The following SHANK2 variants were observed in gnomAD, a reference collection of about 807,000 sequenced individuals.
The protein encoded by SHANK2 is SH3 and multiple ankyrin repeat domains protein 2.
Under a neutral mutation model 133.7 loss-of-function variants are expected in SHANK2, and 43 were observed. The ratio of observed to expected loss-of-function variants is 0.32; its 90% CI spans 0.25 to 0.41. The LOEUF (loss-of-function observed/expected upper bound fraction) is 0.41. SHANK2 is among the 10% of genes least tolerant of loss of function. The probability of loss-of-function intolerance (pLI) is 1.00; values close to 1 mark genes in which losing one functional copy is unlikely to be tolerated. For missense variants in SHANK2, 1,994 were observed against 2,235.8 expected, an observed-to-expected ratio of 0.89 and a Z score of 2.18; for synonymous variants, 1,017 against 952.8, an observed-to-expected ratio of 1.07 and a Z score of -1.24.
chr11:71,150,857 C>T (rs1555107930), intron 2 of SHANK2, among the ~76,000 whole-genome samples: 1 of 152,096 alleles, frequency 6.6e-6, no homozygotes, highest in Non-Finnish European at 1.5e-5. Context: ...GAAAAGGGGG[C>T]ACCTGTTTCT....
chr11:70,529,154 G>A (rs1565100702), intron 17 of SHANK2, among the ~76,000 whole-genome samples: 1 of 152,262 alleles, frequency 6.6e-6, no homozygotes, highest in South Asian at 2.1e-4. Context: ...GCCAGGACCA[G>A]TGTCTCATGT....
At chr11:71,239,456 T>C (rs1402312643) in intron 1 of SHANK2, among the ~76,000 whole-genome samples, 1 of 152,120 alleles carries the variant, frequency 6.6e-6, no homozygotes, top group Non-Finnish European at 1.5e-5. Flanking sequence ...GCACTGTTAA[T>C]GGTAAAAAAA....
intron 11 of SHANK2, among the ~76,000 whole-genome samples, chr11:70,852,639 TC>T (rs2135472148): frequency 6.6e-6 from 1 of 152,268 alleles, no homozygotes; most frequent in African/African-American, 2.4e-5. Flanking sequence ...GGTCAGGAGT[TC>T]GAGACCAGCC....
rs2058629545 is a variant in SHANK2 at position 70,473,893 on chromosome 11, C to A, written c.4980-454G>T. On this transcript the variant is annotated intron_variant, in intron 25 of 25. Coordinates refer to ENST00000601538, the MANE Select transcript of SHANK2 (RefSeq NM_012309.5). The surrounding 1 kb of genome is among the most constrained non-coding windows in gnomAD (Gnocchi z 5.9). ...GTCCTGTCACCTGGGTAGAACGTGCCAGGCAACATCTCCAGCGCCTCAGCT... is the reference window on the plus strand; with the variant it reads ...GTCCTGTCACCTGGGTAGAACGTGCAAGGCAACATCTCCAGCGCCTCAGCT... 3.9e-6 allele frequency: 1 copy of A among 258,242 alleles called. No individual in the cohort carries two copies. Among genetic ancestry groups the A allele is most frequent in the South Asian group, 5.1e-5 (1 of 19,774 alleles). 16.0% of individuals were successfully genotyped at this position (258,242 alleles called of 1,614,324 possible).
chr11:70,827,719 AC>A, intron 11 of SHANK2, among the ~76,000 whole-genome samples: 1 of 146,468 alleles, frequency 6.8e-6, no homozygotes, highest in Non-Finnish European at 1.5e-5. Context: ...ACACACACAC[AC>A]ACACACACAA....
intron 10 of SHANK2, among the ~76,000 whole-genome samples, chr11:70,914,668 T>TAAATAAAATA (rs370532876): frequency 0.32 from 34,388 of 107,012 alleles, 6,166 homozygotes; most frequent in East Asian, 0.36. Flanking sequence ...ACAAAAAAAA[T>TAAATAAAATA]AAATAAAATA....
At chr11:70,787,912 A>G (rs1947704809) in intron 14 of SHANK2, among the ~76,000 whole-genome samples, 1 of 152,202 alleles carries the variant, frequency 6.6e-6, no homozygotes, top group Admixed American at 6.5e-5. Flanking sequence ...CAAATGGACT[A>G]ACATCACTGC....
intron 3 of SHANK2, among the ~76,000 whole-genome samples, chr11:71,145,083 C>T (rs529518613): frequency 6.6e-6 from 1 of 152,272 alleles, no homozygotes; most frequent in South Asian, 2.1e-4. Flanking sequence ...GGAGAAGGAA[C>T]TCCAAAAGAC....
intron 20 of SHANK2, 130 bp downstream of exon 20, chr11:70,501,793 G>A (rs1555158560): frequency 3.3e-6 from 3 of 903,118 alleles, no homozygotes; most frequent in African/African-American, 3.4e-5. Flanking sequence ...CCGGAGGATG[G>A]AGCCTTCTGG....
intron 14 of SHANK2, among the ~76,000 whole-genome samples, chr11:70,783,928 A>C (rs1947574178): frequency 1.3e-5 from 2 of 152,198 alleles, no homozygotes; most frequent in Non-Finnish European, 2.9e-5. Context: ...GTCATCTCCC[A>C]GATGCCTGCC....
At chr11:71,223,035 G>A (rs1283383784) in intron 2 of SHANK2, among the ~76,000 whole-genome samples, 1 of 152,238 alleles carries the variant, frequency 6.6e-6, no homozygotes, top group Admixed American at 6.5e-5. Flanking sequence ...TCTGGGAGGT[G>A]AGTGACAGCA....
At chr11:70,585,926 C>T (rs911623579) in intron 17 of SHANK2, among the ~76,000 whole-genome samples, 1 of 150,750 alleles carries the variant, frequency 6.6e-6, no homozygotes. Flanking sequence ...TCCACCCATC[C>T]TTCATCCATT....
intron 11 of SHANK2, among the ~76,000 whole-genome samples, chr11:70,834,922 C>T (rs1948788929): frequency 6.6e-6 from 1 of 151,970 alleles, no homozygotes; most frequent in Non-Finnish European, 1.5e-5. Context: ...GGGGGTGTAA[C>T]TCCAAGAGAT....
rs1020669038 is a variant in SHANK2 at position 70,882,185 on chromosome 11, G to T, written c.1174+14316C>A. ...GCATGGAGGAGGAGGAGGAGGGAGGGAGTGGGGAAAGGGAAGGAATGAGCA... is the reference window on the plus strand; with the variant it reads ...GCATGGAGGAGGAGGAGGAGGGAGGTAGTGGGGAAAGGGAAGGAATGAGCA... On this transcript the variant is annotated intron_variant, in intron 11 of 25. Transcript: ENST00000601538. This position sits in a 1 kb window ranked among gnomAD's most constrained non-coding sequence, Gnocchi z 4.2. 5.3e-5 allele frequency among the ~76,000 whole-genome samples: 8 copies of T among 152,190 alleles called. No homozygotes were observed. Among genetic ancestry groups the T allele is most frequent in the Non-Finnish European group, 8.8e-5 (6 of 68,036 alleles).
chr11:71,225,457 T>A (rs1352548524), intron 1 of SHANK2, among the ~76,000 whole-genome samples: 2 of 152,214 alleles, frequency 1.3e-5, no homozygotes, highest in Admixed American at 1.3e-4. Context: ...CCTGGATTTC[T>A]ATGGCACCTG....
chr11:70,828,969 A>G (rs1387524246), intron 11 of SHANK2, among the ~76,000 whole-genome samples: 1 of 152,218 alleles, frequency 6.6e-6, no homozygotes, highest in Non-Finnish European at 1.5e-5. Flanking sequence ...GCGGCCTGCC[A>G]TGGTGTGGGG....
chr11:70,955,422 G>GGTGTGTGTGTGTGTGTGTGTGTGT (rs1186144718), intron 10 of SHANK2, among the ~76,000 whole-genome samples: 1 of 146,458 alleles, frequency 6.8e-6, no homozygotes, highest in African/African-American at 2.6e-5. Context: ...AGACCCACGG[G>GGTGTGTGTGTGTGTGTGTGTGTGT]GTGTGTGTGT....
At chr11:70,823,569 GT>G (rs1948586966) in intron 11 of SHANK2, among the ~76,000 whole-genome samples, 1 of 140,972 alleles carries the variant, frequency 7.1e-6, no homozygotes, top group Non-Finnish European at 1.5e-5. Context: ...CGCTGGCAGC[GT>G]TCACGGGGGA....
intron 15 of SHANK2, among the ~76,000 whole-genome samples, chr11:70,678,292 G>A (rs191790310): frequency 4.7e-4 from 71 of 151,880 alleles, no homozygotes; most frequent in African/African-American, 1.5e-3. Context: ...ACAGGCATGC[G>A]CCACCAGGCC....
Sources: gnomAD v4.1 joint callset for allele counts (sites outside exome capture counted in the v4.1 genomes callset) on GRCh38, gnomAD v4.1.1 for gene constraint, Gnocchi (gnomAD v3.1) non-coding constraint, MANE v1.5 for transcripts, NCBI Gene and HGNC (gene_info 2026-07-23, HGNC 2026-07-21) for gene names.